The following AGAP1 variants were observed in gnomAD, a reference collection of about 807,000 sequenced individuals.
AGAP1 encodes arf-GAP with GTPase, ANK repeat and PH domain-containing protein 1.
A neutral mutation model predicts 105.3 loss-of-function variants in AGAP1; 29 were observed. That is an observed-to-expected ratio of 0.28 (90% confidence interval 0.21 to 0.38). AGAP1 has a LOEUF of 0.38. Among genes scored for constraint, AGAP1 ranks in the 10% least tolerant of loss-of-function variants. The pLI, the probability that AGAP1 is intolerant of heterozygous loss-of-function variation, is 1.00. For synonymous variants in AGAP1, 509 were observed against 485.9 expected (o/e 1.05, Z -0.63); for missense variants, 998 against 1,165.1 (o/e 0.86, Z 2.09).
chr2:235,782,615 A>G (rs1414806914), intron 6 of AGAP1, among the ~76,000 whole-genome samples: 1 of 152,194 alleles, frequency 6.6e-6, no homozygotes, highest in Non-Finnish European at 1.5e-5. Flanking sequence ...GAATTTGCAA[A>G]AGCATCACTA....
At chr2:235,802,908 G>GATGGTT (rs2150067613) in intron 8 of AGAP1, among the ~76,000 whole-genome samples, 1 of 146,644 alleles carries the variant, frequency 6.8e-6, no homozygotes, top group Non-Finnish European at 1.5e-5. Flanking sequence ...TGGTTGTGAT[G>GATGGTT]GTGTGATGGT....
intron 13 of AGAP1, among the ~76,000 whole-genome samples, chr2:236,024,627 G>A (rs895903499): frequency 2.0e-5 from 3 of 152,048 alleles, no homozygotes; most frequent in Admixed American, 6.6e-5. Context: ...ATTGATGACG[G>A]ATTGGCCCAT....
chr2:235,807,794 C>A (rs750772020), intron 9 of AGAP1, among the ~76,000 whole-genome samples: 1 of 152,058 alleles, frequency 6.6e-6, no homozygotes, highest in East Asian at 1.9e-4. Context: ...TAATCATAGC[C>A]GGTGTGTCAG....
In AGAP1 at chr2:235,711,546, G is replaced by A. The variant is rs189463443; in HGVS notation, c.222+2309G>A. On this transcript the variant is annotated intron_variant, in intron 2 of 17. Transcript: ENST00000304032. ...AGGCTTGCTTCAATTTGCTGACACC[G>A]TGGGCTTCGATGCTGTTGGTTCTAC... Among the ~76,000 whole-genome samples, 227 of 152,314 alleles carry A rather than the reference G, an allele frequency of 1.5e-3. 1 individual carries two copies. Among genetic ancestry groups the A allele is most frequent in the African/African-American group, 4.6e-3 (192 of 41,564 alleles).
chr2:235,790,553 A>T (rs924402966), intron 6 of AGAP1, among the ~76,000 whole-genome samples: 1 of 152,052 alleles, frequency 6.6e-6, no homozygotes, highest in Non-Finnish European at 1.5e-5. Flanking sequence ...CAAAGCATAG[A>T]TCTCTTCACT....
rs912544654 is a variant in AGAP1 at position 235,888,559 on chromosome 2, C to A, written c.1155+5110C>A. 6.6e-6 allele frequency among the ~76,000 whole-genome samples: 1 copy of A among 152,076 alleles called. No homozygotes were observed. The highest frequency in any genetic ancestry group is 2.4e-5 in the African/African-American group (1 of 41,400). ...TCTCTACAACAAATAAAAAAGTGAG[C>A]CAGGTGTGGTGGAGCACACCTGTAG... On this transcript the variant is annotated intron_variant, in intron 10 of 17. Transcript: ENST00000304032. The surrounding 1 kb of genome is among the most constrained non-coding windows in gnomAD (Gnocchi z 4.8).
chr2:235,984,228 T>G (rs1196993653), intron 13 of AGAP1, among the ~76,000 whole-genome samples: 1 of 152,244 alleles, frequency 6.6e-6, no homozygotes, highest in Non-Finnish European at 1.5e-5. Context: ...AGCATGTGTC[T>G]GTACACCATT....
At chr2:235,735,990 C>T (rs1952225386) in intron 3 of AGAP1, among the ~76,000 whole-genome samples, 1 of 152,042 alleles carries the variant, frequency 6.6e-6, no homozygotes, top group Admixed American at 6.6e-5. Flanking sequence ...GTTCCGTTCT[C>T]ACCTCCCTCT....
intron 9 of AGAP1, among the ~76,000 whole-genome samples, chr2:235,811,013 T>G (rs532168092): frequency 6.6e-6 from 1 of 152,100 alleles, no homozygotes; most frequent in Non-Finnish European, 1.5e-5. Context: ...AGGGAGCTCC[T>G]ATGGTGCCAT....
chr2:235,859,466 AT>A (rs2048834615), intron 9 of AGAP1, among the ~76,000 whole-genome samples: 1 of 135,504 alleles, frequency 7.4e-6, no homozygotes, highest in African/African-American at 2.7e-5. Context: ...ACGACACACT[AT>A]TTTGGATCTG....
chr2:235,627,313 C>G (rs1946673898), intron 1 of AGAP1, among the ~76,000 whole-genome samples: 1 of 151,144 alleles, frequency 6.6e-6, no homozygotes, highest in Non-Finnish European at 1.5e-5. Context: ...CAACCTCTAC[C>G]TCCCGAGTTT....
At chr2:235,932,349 C>T (rs979846883) in intron 12 of AGAP1, among the ~76,000 whole-genome samples, 2 of 152,230 alleles carry the variant, frequency 1.3e-5, no homozygotes, top group Non-Finnish European at 2.9e-5. Flanking sequence ...GGACAGTAGG[C>T]TCTTCGTGAC....
chr2:236,118,682 C>T (rs2059830438), intron 16 of AGAP1, among the ~76,000 whole-genome samples: 1 of 152,158 alleles, frequency 6.6e-6, no homozygotes, highest in Admixed American at 6.5e-5. Flanking sequence ...AGCCACTGCG[C>T]CCAGCCTCTT....
rs1040321362 is a variant in AGAP1 at position 235,608,227 on chromosome 2, C to T, written c.164-100952C>T. On this transcript the variant is annotated intron_variant, in intron 1 of 17. Coordinates refer to ENST00000304032, the MANE Select transcript of AGAP1 (RefSeq NM_001037131.3). The surrounding 1 kb of genome is among the most constrained non-coding windows in gnomAD (Gnocchi z 5.4). ...CCCACGTCTAGCAGTTCTTCTTCAT[C>T]TTGCAGGGAAAGTGTGTTGGCAAAC... Among the ~76,000 whole-genome samples the T allele has an allele frequency of 6.6e-6, 1 of 152,222 alleles. No individual in the cohort carries two copies. The highest frequency in any genetic ancestry group is 2.4e-5 in the African/African-American group (1 of 41,458).
chr2:235,643,940 CA>C (rs1947287037), intron 1 of AGAP1, among the ~76,000 whole-genome samples: 1 of 152,120 alleles, frequency 6.6e-6, no homozygotes, highest in South Asian at 2.1e-4. Context: ...ATTATCTACT[CA>C]AAGGAAGCAG....
chr2:235,629,491 G>T (rs1172114879), intron 1 of AGAP1, among the ~76,000 whole-genome samples: 1 of 152,048 alleles, frequency 6.6e-6, no homozygotes, highest in East Asian at 1.9e-4. Flanking sequence ...ACAGAGACAT[G>T]AAAATCAGCA....
chr2:236,040,904 A>T lies in AGAP1; in HGVS notation c.1891+63A>T. 1 of 1,558,042 alleles carries T rather than the reference A, an allele frequency of 6.4e-7. No individual in the cohort carries two copies. Among genetic ancestry groups the T allele is most frequent in the South Asian group, 1.1e-5 (1 of 89,394 alleles). On this transcript the variant is annotated intron_variant, in intron 15 of 17. Coordinates refer to ENST00000304032, the MANE Select transcript of AGAP1 (RefSeq NM_001037131.3). The surrounding 1 kb of genome is among the most constrained non-coding windows in gnomAD (Gnocchi z 5.6). Reference sequence around the variant, plus strand: ...TAGCTGGAGACCACATGGTCCCACTAGGCCCGGGTTGCAGGGGACTCACAT... The same window carrying T: ...TAGCTGGAGACCACATGGTCCCACTTGGCCCGGGTTGCAGGGGACTCACAT...
At chr2:235,984,371 T>A (rs2055217108) in intron 13 of AGAP1, among the ~76,000 whole-genome samples, 1 of 145,944 alleles carries the variant, frequency 6.9e-6, no homozygotes, top group African/African-American at 2.4e-5. Context: ...AGTATCTGTT[T>A]GAGTCCCTGT....
At position 235,551,410 on chromosome 2, in the gene AGAP1, G is replaced by A. The variant is rs914092808; in HGVS notation, c.163+56561G>A. ...GCCTCAACCTCCCCAGGCTCAGGTCGTCCTCCCAGCTCAGCCTCCCAAGTA... is the reference window on the plus strand; with the variant it reads ...GCCTCAACCTCCCCAGGCTCAGGTCATCCTCCCAGCTCAGCCTCCCAAGTA... On this transcript the variant is annotated intron_variant, in intron 1 of 17. Coordinates refer to ENST00000304032, the MANE Select transcript of AGAP1 (RefSeq NM_001037131.3). The surrounding 1 kb of genome is among the most constrained non-coding windows in gnomAD (Gnocchi z 4.8). 1.4e-4 allele frequency among the ~76,000 whole-genome samples: 22 copies of A among 151,860 alleles called. No homozygotes were observed. Among genetic ancestry groups the A allele is most frequent in the African/African-American group, 3.9e-4 (16 of 41,328 alleles).
Sources: gnomAD v4.1 joint callset for allele counts (sites outside exome capture counted in the v4.1 genomes callset) on GRCh38, gnomAD v4.1.1 for gene constraint, Gnocchi (gnomAD v3.1) non-coding constraint, MANE v1.5 for transcripts, NCBI Gene and HGNC (gene_info 2026-07-23, HGNC 2026-07-21) for gene names.